SUSD6: variants seen among roughly 807,000 people sequenced by gnomAD.
SUSD6 encodes the protein sushi domain containing 6, also known as sushi domain-containing protein 6.
Under a neutral mutation model 28.4 loss-of-function variants are expected in SUSD6, and 16 were observed. The ratio of observed to expected loss-of-function variants is 0.56; its 90% CI spans 0.38 to 0.86. The LOEUF is 0.86. Ranked by LOEUF, SUSD6 falls within the 40% of genes least tolerant of loss-of-function variation. SUSD6 has a pLI of 0.00. For synonymous variants in SUSD6, 147 were observed against 159.6 expected (o/e 0.92, Z 0.59); for missense variants, 341 against 384.2 (o/e 0.89, Z 0.94).
At chr14:69,673,584 G>C (rs372800779) in intron 2 of SUSD6, among the ~76,000 whole-genome samples, 5 of 152,294 alleles carry the variant, frequency 3.3e-5, no homozygotes, top group East Asian at 1.9e-4. Flanking sequence ...GTTAAGGGAG[G>C]ATGCTGGCAG....
intron 2 of SUSD6, among the ~76,000 whole-genome samples, chr14:69,660,632 G>T (rs1885648771): frequency 6.6e-6 from 1 of 152,254 alleles, no homozygotes; most frequent in African/African-American, 2.4e-5. Context: ...TGTCTTTAGA[G>T]CAGAAGTTGG....
chr14:69,663,773 A>G (rs1045230908), intron 2 of SUSD6, among the ~76,000 whole-genome samples: 3 of 152,112 alleles, frequency 2.0e-5, no homozygotes, highest in African/African-American at 4.8e-5. Context: ...ACTCTTGCCT[A>G]TGGTCTTTTC....
intron 2 of SUSD6, 43 bp from the exon 3 acceptor site, chr14:69,703,352 G>A: frequency 6.6e-7 from 1 of 1,506,534 alleles, no homozygotes; most frequent in Non-Finnish European, 9.2e-7. Context: ...ACTCCTACTG[G>A]ATACCTCACC....
chr14:69,659,203 C>T (rs1227231338), intron 2 of SUSD6, among the ~76,000 whole-genome samples: 2 of 152,186 alleles, frequency 1.3e-5, no homozygotes, highest in African/African-American at 4.8e-5. Flanking sequence ...TGATTGTTAG[C>T]TGTCTTTTGT....
intron 2 of SUSD6, among the ~76,000 whole-genome samples, chr14:69,668,443 C>G (rs367706584): frequency 2.0e-5 from 3 of 151,796 alleles, no homozygotes; most frequent in Admixed American, 6.6e-5. Flanking sequence ...GAGACCAGCC[C>G]GGCCAACATG....
intron 2 of SUSD6, among the ~76,000 whole-genome samples, chr14:69,676,900 T>C (rs925628480): frequency 3.9e-5 from 6 of 152,354 alleles, no homozygotes; most frequent in African/African-American, 1.4e-4. Flanking sequence ...CAGAAACTGT[T>C]TGGTCAGTCA....
In SUSD6 at chr14:69,703,381, C is replaced by T. The variant is rs778133602; in HGVS notation, c.122-14C>T. The stretch of plus-strand genomic sequence containing the variant: ...CCTCACCACTGTACCCCTGCTCTCT[C>T]CCTGTCTTTGCAGTGTGCCCCCTAC... On this transcript the variant is annotated splice_polypyrimidine_tract_variant and intron_variant, in intron 2 of 5. Coordinates refer to ENST00000342745, the MANE Select transcript of SUSD6 (RefSeq NM_014734.4). 6 of 1,610,270 alleles carry T rather than the reference C, an allele frequency of 3.7e-6. No homozygotes were observed. Among genetic ancestry groups the T allele is most frequent in the South Asian group, 1.1e-5 (1 of 90,850 alleles).
In SUSD6 at chr14:69,679,980, A is replaced by G. The variant is rs140580900; in HGVS notation, c.121+21267A>G. Among the ~76,000 whole-genome samples the G allele has an allele frequency of 9.8e-5, 15 of 152,318 alleles. No homozygotes were observed. The East Asian group carries it at 2.9e-3, about 29-fold the overall frequency. On this transcript the variant is annotated intron_variant, in intron 2 of 5. Transcript: ENST00000342745. The stretch of plus-strand genomic sequence containing the variant: ...TGAATGGAACATCTTCCCTATCTGA[A>G]TATAATTTTTTGGAAGGGCAGTATG...
intron 2 of SUSD6, among the ~76,000 whole-genome samples, chr14:69,659,592 A>G (rs916826080): frequency 1.1e-4 from 17 of 152,132 alleles, no homozygotes; most frequent in African/African-American, 4.1e-4. Flanking sequence ...ATCGTGGCTC[A>G]CTGCAACCTC....
chr14:69,613,128 G>A (rs1053435523), intron 1 of SUSD6, among the ~76,000 whole-genome samples: 1 of 152,320 alleles, frequency 6.6e-6, no homozygotes, highest in Middle Eastern at 3.4e-3. Context: ...AGGTATTTAA[G>A]CAGCAATAAT....
intron 2 of SUSD6, among the ~76,000 whole-genome samples, chr14:69,671,839 T>C (rs1220266509): frequency 6.6e-6 from 1 of 152,214 alleles, no homozygotes; most frequent in Non-Finnish European, 1.5e-5. Flanking sequence ...TTGTTCTCAA[T>C]ACCTTGTTGT....
At chr14:69,703,315 C>G in intron 2 of SUSD6, 80 bp from the exon 3 acceptor site, 2 of 1,084,208 alleles carry the variant, frequency 1.8e-6, no homozygotes, top group Non-Finnish European at 2.7e-6. Context: ...CCTGTAGAGG[C>G]CTTCAGAGCT....
intron 1 of SUSD6, among the ~76,000 whole-genome samples, chr14:69,656,967 C>G (rs1885592730): frequency 6.6e-6 from 1 of 152,186 alleles, no homozygotes; most frequent in African/African-American, 2.4e-5. Flanking sequence ...TGGGTGAAAC[C>G]TGGGGACAGA....
intron 2 of SUSD6, among the ~76,000 whole-genome samples, chr14:69,680,940 G>C (rs1885988960): frequency 6.6e-6 from 1 of 152,174 alleles, no homozygotes; most frequent in South Asian, 2.1e-4. Context: ...GTTTGGGGAA[G>C]GCTGATACAT....
chr14:69,631,576 G>A (rs1210834434), intron 1 of SUSD6, among the ~76,000 whole-genome samples: 1 of 152,140 alleles, frequency 6.6e-6, no homozygotes, highest in African/African-American at 2.4e-5. Flanking sequence ...TAAGATATTA[G>A]ATGTAAAATG....
Position 69,628,719 on chromosome 14 carries a change from G to GT in SUSD6, c.-81+16910dup, listed in dbSNP as rs11357371. Among the ~76,000 whole-genome samples the GT allele has an allele frequency of 2.8e-3, 340 of 120,312 alleles. 6 individuals are homozygous for GT. The highest frequency in any genetic ancestry group is 7.4e-3 in the African/African-American group (242 of 32,826). 78.9% of individuals were successfully genotyped at this position (120,312 alleles called of 152,430 possible). A position where few individuals can be genotyped will look rare whatever the true frequency, so the allele number is the denominator to read the frequency against. On this transcript the variant is annotated intron_variant, in intron 1 of 5. Coordinates refer to ENST00000342745, the MANE Select transcript of SUSD6 (RefSeq NM_014734.4). ...GGAGTGATTCTAAAGCCTGTGGTGG[G>GT]TTTTTTTTTTTTTTTTTTTGAGACA...
At chr14:69,690,366 G>A (rs1886136143) in intron 2 of SUSD6, among the ~76,000 whole-genome samples, 2 of 152,216 alleles carry the variant, frequency 1.3e-5, no homozygotes, top group South Asian at 4.1e-4. Context: ...TAGACCTTCA[G>A]GGCCAGGCAT....
rs576045264 is a variant in SUSD6, at chr14:69,699,446, C to T, written c.122-3949C>T. On this transcript the variant is annotated intron_variant, in intron 2 of 5. Transcript: ENST00000342745. Reference sequence around the variant, plus strand: ...CTCGAACTCCTGACCTCAAGTGATCCGCCCACCTTGACCTCCCAAAGCGCT... The same window carrying T: ...CTCGAACTCCTGACCTCAAGTGATCTGCCCACCTTGACCTCCCAAAGCGCT... Among the ~76,000 whole-genome samples, 9 of 152,168 alleles carry T rather than the reference C, an allele frequency of 5.9e-5. No homozygotes were observed. In the East Asian group the frequency reaches 9.7e-4, roughly 16 times the overall value.
In SUSD6 at chr14:69,703,446, G is replaced by C. The variant is rs143461922; in HGVS notation, c.173G>C (p.Arg58Pro). Residue 58 changes from arginine (R) to proline (P), a missense_variant, in exon 3 of 6, where the codon CGG (arginine) becomes CCG (proline). Transcript: ENST00000342745. ...AATGGTGGCTACATCTGCCACCCCC[G>C]GCCCTGCAGAGACCCCCTGACAGCA... ...PENGGYICHP[R>P]PCRDPLTAGS... 2 of 1,614,086 alleles carry C rather than the reference G, an allele frequency of 1.2e-6. No individual in the cohort carries two copies. Among genetic ancestry groups the C allele is most frequent in the African/African-American group, 2.7e-5 (2 of 75,002 alleles).
Sources: allele counts gnomAD v4.1 joint callset (sites outside exome capture counted in the v4.1 genomes callset), GRCh38; gene constraint gnomAD v4.1.1; transcripts MANE v1.5; gene names NCBI Gene and HGNC (gene_info 2026-07-23, HGNC 2026-07-21).